Variants in SPPL2A observed in about 807,000 individuals in gnomAD.
SPPL2A encodes signal peptide peptidase like 2A, also known as signal peptide peptidase-like 2A.
SPPL2A carries 51 observed loss-of-function variants against 63.8 expected under a neutral mutation model. The ratio of observed to expected loss-of-function variants is 0.80; its 90% confidence interval spans 0.64 to 1.01. The LOEUF (loss-of-function observed/expected upper bound fraction) is 1.01. Ranked by LOEUF, SPPL2A falls within the 50% of genes least tolerant of loss-of-function variation. The pLI is 0.00. For synonymous variants in SPPL2A, 188 were observed against 205.8 expected, an observed-to-expected ratio of 0.91 and a Z score of 0.74; for missense variants, 553 against 622.7, an observed-to-expected ratio of 0.89 and a Z score of 1.19.
chr15:50,729,203 T>A (rs180788678), intron 10 of SPPL2A, among the ~76,000 whole-genome samples: 1 of 152,364 alleles, frequency 6.6e-6, no homozygotes, highest in East Asian at 1.9e-4. Context: ...TCTGCCTGCC[T>A]TGGCCTCCCA....
At chr15:50,758,372 G>C (rs938533820) in intron 1 of SPPL2A, among the ~76,000 whole-genome samples, 1 of 150,210 alleles carries the variant, frequency 6.7e-6, no homozygotes, top group Non-Finnish European at 1.5e-5. Context: ...TCACTCTGTC[G>C]CCCAGGCTAG....
At position 50,706,227 on chromosome 15, in the gene SPPL2A, T is replaced by TAAAACTAC. The variant is rs2062507115; in HGVS notation, c.*1565_*1572dup. The TAAAACTAC allele has an allele frequency of 6.6e-6, 1 of 151,020 alleles. No individual in the cohort carries two copies. Among genetic ancestry groups the TAAAACTAC allele is most frequent in the African/African-American group, 2.4e-5 (1 of 41,208 alleles). 9.4% of individuals were successfully genotyped at this position (151,020 alleles called of 1,614,324 possible). On this transcript the variant is annotated 3_prime_UTR_variant, in exon 15 of 15. Coordinates refer to ENST00000261854, the MANE Select transcript of SPPL2A (RefSeq NM_032802.4). ...TAAAACGGTGAAACCCCGTCTCTAC[T>TAAAACTAC]AAAACTACAAAAAATAGCCGGGCGT...
At chr15:50,747,716 T>G (rs2062869755) in intron 4 of SPPL2A, 88 bp from the exon 5 acceptor site, 1 of 908,182 alleles carries the variant, frequency 1.1e-6, no homozygotes, top group East Asian at 2.4e-5. Context: ...CACTCTGGAA[T>G]GGACATTATA....
At chr15:50,757,517 G>C (rs1449778020) in intron 1 of SPPL2A, among the ~76,000 whole-genome samples, 1 of 152,092 alleles carries the variant, frequency 6.6e-6, no homozygotes, top group Non-Finnish European at 1.5e-5. Context: ...CCTTCAGACT[G>C]GTCCTGGAAT....
intron 3 of SPPL2A, 84 bp from the exon 4 acceptor site, chr15:50,748,286 C>A: frequency 1.9e-6 from 1 of 540,026 alleles, no homozygotes; most frequent in Non-Finnish European, 3.0e-6. Context: ...ATAAATATTA[C>A]GTCTTTCTTT....
chr15:50,732,827 C>CTTA, intron 8 of SPPL2A, 143 bp from the exon 9 acceptor site: 1 of 592,522 alleles, frequency 1.7e-6, no homozygotes, highest in Non-Finnish European at 3.0e-6. Flanking sequence ...CTCACTCTGT[C>CTTA]ACCCAGGCTG....
rs1596371637 is a variant in SPPL2A at position 50,706,364 on chromosome 15, T to G, written c.*1436A>C. 1 of 118,448 alleles carries G rather than the reference T, an allele frequency of 8.4e-6. No individual in the cohort carries two copies. The highest frequency in any genetic ancestry group is 3.3e-5 in the African/African-American group (1 of 29,944). The allele number at this position is 118,448 out of a possible 1,614,324, so 7.3% of individuals were successfully genotyped here. On this transcript the variant is annotated 3_prime_UTR_variant, in exon 15 of 15. Transcript: ENST00000261854. ...GAGATCCCGCCACTGCACTCCAGCC[T>G]GGGCGACAGAGCGAGACTCCGTCTC...
rs1303683296 is a variant in SPPL2A at position 50,702,499 on chromosome 15, T to G, written c.*5301A>C. On this transcript the variant is annotated 3_prime_UTR_variant, in exon 15 of 15. Transcript: ENST00000261854. The stretch of plus-strand genomic sequence containing the variant: ...AAAGAAATTCCACACTCAAACCAAT[T>G]ATCTGAGAAGTAAAAATTCAATCAT... 6.6e-6 allele frequency: 1 copy of G among 152,114 alleles called. No individual in the cohort carries two copies. The highest frequency in any genetic ancestry group is 1.5e-5 in the Non-Finnish European group (1 of 67,996). 9.4% of individuals were successfully genotyped at this position (152,114 alleles called of 1,614,324 possible).
intron 12 of SPPL2A, among the ~76,000 whole-genome samples, chr15:50,722,770 A>C (rs2062658381): frequency 6.6e-6 from 1 of 152,200 alleles, no homozygotes; most frequent in South Asian, 2.1e-4. Context: ...GAAAACTTTT[A>C]AAATTTATCA....
At chr15:50,725,384 AT>A in intron 11 of SPPL2A, 61 bp from the exon 12 acceptor site, 1 of 864,506 alleles carries the variant, frequency 1.2e-6, no homozygotes, top group Non-Finnish European at 1.9e-6. Context: ...GAGGCCGCCA[AT>A]GAACTTCTTG....
chr15:50,759,754 A>T (rs2062992895), intron 1 of SPPL2A, among the ~76,000 whole-genome samples: 1 of 152,036 alleles, frequency 6.6e-6, no homozygotes, highest in Non-Finnish European at 1.5e-5. Flanking sequence ...AAAAAAAAAA[A>T]AGAAAGAAAA....
At chr15:50,716,402 C>T (rs1012207933) in intron 14 of SPPL2A, among the ~76,000 whole-genome samples, 2 of 152,036 alleles carry the variant, frequency 1.3e-5, no homozygotes, top group Non-Finnish European at 2.9e-5. Flanking sequence ...GTCATGTTGG[C>T]CAGGCTGGTC....
At chr15:50,746,048 C>T (rs2062854772) in intron 5 of SPPL2A, among the ~76,000 whole-genome samples, 1 of 151,548 alleles carries the variant, frequency 6.6e-6, no homozygotes, top group Non-Finnish European at 1.5e-5. Context: ...AAGTCTCCAT[C>T]TCAAAAAAAT....
intron 10 of SPPL2A, among the ~76,000 whole-genome samples, chr15:50,726,971 T>C (rs887650472): frequency 6.6e-6 from 1 of 152,196 alleles, no homozygotes; most frequent in Non-Finnish European, 1.5e-5. Flanking sequence ...CCTGCCTGCT[T>C]TCTATGATCC....
Position 50,712,055 on chromosome 15 carries a change from G to A in SPPL2A, c.1489-4181C>T, listed in dbSNP as rs145756360. Among the ~76,000 whole-genome samples, 1,094 of 152,278 alleles carry A rather than the reference G, an allele frequency of 7.2e-3. 10 individuals are homozygous for A. Among genetic ancestry groups the A allele is most frequent in the Middle Eastern group, 0.02 (6 of 294 alleles). On this transcript the variant is annotated intron_variant, in intron 14 of 14. Transcript: ENST00000261854. ...ATGCAAAAGTAACTAAAGGCCAGTG[G>A]ATGAAGGATTGAGCATTAGAGGTGC...
At chr15:50,753,397 C>G (rs1298637355) in intron 1 of SPPL2A, among the ~76,000 whole-genome samples, 2 of 152,138 alleles carry the variant, frequency 1.3e-5, no homozygotes, top group Non-Finnish European at 2.9e-5. Context: ...AGTAAAATTT[C>G]TCATAGATAT....
chr15:50,736,204 T>A lies in SPPL2A; in HGVS notation c.831-2A>T, dbSNP rs756937815. On this transcript the variant is annotated splice_acceptor_variant, in intron 7 of 14. Coordinates refer to ENST00000261854, the MANE Select transcript of SPPL2A (RefSeq NM_032802.4). LOFTEE classifies it high-confidence loss of function. ...ATGTTTTTGCCACGACATGCAATCC[T>A]AAAAAACAGATTAAAATAGTTAACA... is the stretch of plus-strand genomic sequence containing the variant. The A allele has an allele frequency of 6.3e-7, 1 of 1,577,152 alleles. No individual in the cohort carries two copies. The highest frequency in any genetic ancestry group is 8.7e-7 in the Non-Finnish European group (1 of 1,147,018).
chr15:50,710,807 C>G (rs1343480890), intron 14 of SPPL2A, among the ~76,000 whole-genome samples: 3 of 152,154 alleles, frequency 2.0e-5, no homozygotes, highest in South Asian at 2.1e-4. Flanking sequence ...ATGAGAAGTA[C>G]TAGTGACATT....
At chr15:50,762,781 G>T (rs2063023658) in intron 1 of SPPL2A, among the ~76,000 whole-genome samples, 1 of 146,850 alleles carries the variant, frequency 6.8e-6, no homozygotes, top group African/African-American at 2.5e-5. Context: ...CACACAGGCT[G>T]GAGTGCAGTG....
Sources: gnomAD v4.1 joint callset for allele counts (sites outside exome capture counted in the v4.1 genomes callset) on GRCh38, gnomAD v4.1.1 for gene constraint, MANE v1.5 for transcripts, NCBI Gene and HGNC (gene_info 2026-07-23, HGNC 2026-07-21) for gene names.